NAALADL2: variants seen among roughly 807,000 people sequenced by gnomAD.
NAALADL2 encodes the protein N-acetylated alpha-linked acidic dipeptidase like 2.
NAALADL2 carries 76 observed loss-of-function variants against 87.2 expected under a neutral mutation model. The ratio of observed to expected loss-of-function variants is 0.87; its 90% CI spans 0.72 to 1.05. NAALADL2 has a LOEUF of 1.05. Ranked by LOEUF, NAALADL2 falls within the 50% of genes least tolerant of loss-of-function variation. The probability of loss-of-function intolerance (pLI) is 0.00; values close to 1 mark genes in which losing one functional copy is unlikely to be tolerated. For missense variants in NAALADL2, 1,089 were observed against 945.8 expected, an observed-to-expected ratio of 1.15 and a Z score of -1.99; for synonymous variants, 354 against 331.0, an observed-to-expected ratio of 1.07 and a Z score of -0.75.
rs1388162621 is a variant in NAALADL2, at chr3:175,093,346, T to A, written c.44-3444T>A. The stretch of plus-strand genomic sequence containing the variant: ...GAACCATAGAATAATTTATGCTATC[T>A]CAAAGCTGAATGTTACTAAAGTTTT... On this transcript the variant is annotated intron_variant, in intron 1 of 13. Coordinates refer to ENST00000454872, the MANE Select transcript of NAALADL2 (RefSeq NM_207015.3). Among the ~76,000 whole-genome samples the A allele has an allele frequency of 5.3e-5, 8 of 150,486 alleles. No homozygotes were observed. In the East Asian group the frequency reaches 1.4e-3, roughly 26 times the overall value.
chr3:174,619,370 T>C (rs1300151795), intron 2 of NAALADL2, among the ~76,000 whole-genome samples: 1 of 151,962 alleles, frequency 6.6e-6, no homozygotes, highest in Admixed American at 6.6e-5. Context: ...GGAAGGTTGA[T>C]GCCAAGTTTT....
chr3:175,588,740 G>A lies in NAALADL2; in HGVS notation c.1800+12553G>A, dbSNP rs867125323. On this transcript the variant is annotated intron_variant, in intron 10 of 13. Coordinates refer to ENST00000454872, the MANE Select transcript of NAALADL2 (RefSeq NM_207015.3). ...TTTTTGGTAGAGATGGGGTTTCACCGTGTTAGCCAGGATGGTCTCGATCTC... is the reference window on the plus strand; with the variant it reads ...TTTTTGGTAGAGATGGGGTTTCACCATGTTAGCCAGGATGGTCTCGATCTC... Among the ~76,000 whole-genome samples the A allele has an allele frequency of 1.3e-4, 19 of 151,936 alleles. No individual in the cohort carries two copies. The Middle Eastern group carries it at 0.014, about 109-fold the overall frequency.
intron 2 of NAALADL2, 61 bp downstream of exon 2, chr3:175,097,352 G>C: frequency 6.8e-7 from 1 of 1,480,522 alleles, no homozygotes; most frequent in East Asian, 2.3e-5. Context: ...GTCTCACAGG[G>C]GGTATTGAAC....
At chr3:175,713,990 C>G (rs1168890948) in intron 11 of NAALADL2, among the ~76,000 whole-genome samples, 1 of 152,120 alleles carries the variant, frequency 6.6e-6, no homozygotes, top group Non-Finnish European at 1.5e-5. Context: ...GTTTGGTTTT[C>G]TATTCCTGTA....
chr3:175,642,751 C>G (rs187732911), intron 11 of NAALADL2, among the ~76,000 whole-genome samples: 1 of 152,136 alleles, frequency 6.6e-6, no homozygotes, highest in Non-Finnish European at 1.5e-5. Flanking sequence ...CCTCCCGCCT[C>G]GGCTTCCCAA....
intron 2 of NAALADL2, among the ~76,000 whole-genome samples, chr3:175,155,519 T>C (rs540130423): frequency 1.3e-5 from 2 of 152,242 alleles, no homozygotes; most frequent in South Asian, 4.1e-4. Context: ...TGGCAATCTT[T>C]ATGTTGGGAA....
chr3:175,311,828 T>TAAAC (rs1758407808), intron 4 of NAALADL2, among the ~76,000 whole-genome samples: 1 of 152,112 alleles, frequency 6.6e-6, no homozygotes, highest in Non-Finnish European at 1.5e-5. Flanking sequence ...ACTTCAAGTA[T>TAAAC]TTTTTTCCTT....
intron 1 of NAALADL2, among the ~76,000 whole-genome samples, chr3:175,088,913 T>C (rs1179407501): frequency 6.6e-6 from 1 of 152,192 alleles, no homozygotes; most frequent in East Asian, 1.9e-4. Context: ...GTGGACAGGA[T>C]GAGCCAAAGG....
chr3:175,218,014 T>G, intron 2 of NAALADL2: 1 of 390,260 alleles, frequency 2.6e-6, no homozygotes, highest in Non-Finnish European at 5.1e-6. Flanking sequence ...ATGTATAGCC[T>G]GACCAAATTT....
chr3:175,270,686 T>C (rs532036093), intron 4 of NAALADL2, among the ~76,000 whole-genome samples: 2 of 152,270 alleles, frequency 1.3e-5, no homozygotes, highest in South Asian at 4.1e-4. Context: ...AGAATCGTCT[T>C]AGGGTGCGTG....
chr3:174,858,976 G>A (rs1726154713), upstream of NAALADL2, among the ~76,000 whole-genome samples: 1 of 152,030 alleles, frequency 6.6e-6, no homozygotes, highest in Non-Finnish European at 1.5e-5. Flanking sequence ...AAAAATAAAT[G>A]TCGTGTAATA....
At chr3:174,631,589 G>C (rs758080783) in intron 2 of NAALADL2, among the ~76,000 whole-genome samples, 1 of 152,116 alleles carries the variant, frequency 6.6e-6, no homozygotes, top group Non-Finnish European at 1.5e-5. Context: ...GGAATTGCTT[G>C]ATTTTATTTT....
intron 3 of NAALADL2, among the ~76,000 whole-genome samples, chr3:174,838,220 T>G (rs1723589678): frequency 6.6e-6 from 1 of 151,992 alleles, no homozygotes; most frequent in African/African-American, 2.4e-5. Context: ...ATACACCACA[T>G]AAAGAGAATT....
intron 3 of NAALADL2, among the ~76,000 whole-genome samples, chr3:174,848,015 T>TG (rs2109457739): frequency 6.6e-6 from 1 of 152,084 alleles, no homozygotes; most frequent in African/African-American, 2.4e-5. Context: ...CTCTTTTTTT[T>TG]TTTTTACTTC....
chr3:174,822,533 A>C (rs950945784), intron 3 of NAALADL2, among the ~76,000 whole-genome samples: 105 of 152,312 alleles, frequency 6.9e-4, no homozygotes, highest in African/African-American at 2.4e-3. Context: ...AGGAACACGT[A>C]GCCAGAGATG....
intron 2 of NAALADL2, among the ~76,000 whole-genome samples, chr3:175,161,394 G>A (rs1223637006): frequency 2.0e-5 from 3 of 152,062 alleles, no homozygotes; most frequent in South Asian, 2.1e-4. Context: ...ATGGCCACAC[G>A]AACTATTTTC....
chr3:175,085,602 A>G (rs1037942990), intron 1 of NAALADL2, among the ~76,000 whole-genome samples: 8 of 152,130 alleles, frequency 5.3e-5, no homozygotes. Flanking sequence ...CAACGGATAC[A>G]TTTTGGTTCC....
At chr3:174,953,641 G>A (rs756110450) in intron 1 of NAALADL2, among the ~76,000 whole-genome samples, 5 of 151,894 alleles carry the variant, frequency 3.3e-5, no homozygotes, top group South Asian at 2.1e-4. Context: ...GTTGATGCAC[G>A]GTGTCTATTC....
chr3:175,574,066 A>C (rs1274362983), intron 9 of NAALADL2, among the ~76,000 whole-genome samples: 1 of 152,246 alleles, frequency 6.6e-6, no homozygotes, highest in Non-Finnish European at 1.5e-5. Flanking sequence ...CAAAGAAACT[A>C]GATAGTTATT....
Sources: allele counts gnomAD v4.1 joint callset (sites outside exome capture counted in the v4.1 genomes callset), GRCh38; gene constraint gnomAD v4.1.1; transcripts MANE v1.5; gene names NCBI Gene and HGNC (gene_info 2026-07-23, HGNC 2026-07-21).